The following SLC28A3 variants were observed in gnomAD, a reference collection of about 807,000 sequenced individuals.
The protein encoded by SLC28A3 is solute carrier family 28 member 3.
A neutral mutation model predicts 84.2 loss-of-function variants in SLC28A3; 68 were observed. The observed-to-expected ratio is 0.81, with a 90% CI of 0.66 to 0.99. SLC28A3 has a LOEUF of 0.99. Ranked by LOEUF, SLC28A3 falls within the 50% of genes least tolerant of loss-of-function variation. SLC28A3 has a pLI of 0.00. For missense variants in SLC28A3, 712 were observed against 841.5 expected (o/e 0.85, Z 1.90); for synonymous variants, 267 against 303.6 (o/e 0.88, Z 1.25).
intron 14 of SLC28A3, among the ~76,000 whole-genome samples, chr9:84,282,678 A>G (rs913293554): frequency 3.9e-5 from 6 of 152,196 alleles, no homozygotes; most frequent in Non-Finnish European, 7.3e-5. Context: ...TGACTATAGG[A>G]AGCTCAGAAG....
chr9:84,292,383 A>G (rs773705500), intron 10 of SLC28A3, among the ~76,000 whole-genome samples: 2 of 152,168 alleles, frequency 1.3e-5, no homozygotes, highest in Non-Finnish European at 2.9e-5. Flanking sequence ...TCCTCTTCAT[A>G]AACATTCTCA....
chr9:84,287,405 A>G (rs1438734831), intron 12 of SLC28A3, among the ~76,000 whole-genome samples: 1 of 151,948 alleles, frequency 6.6e-6, no homozygotes, highest in Non-Finnish European at 1.5e-5. Context: ...TCTTTTTCAC[A>G]GAGCAAAAGA....
At chr9:84,350,450 A>G in the SLC28A3 span, among the ~76,000 whole-genome samples, 4 of 151,924 alleles carry the variant, frequency 2.6e-5, no homozygotes, top group African/African-American at 9.7e-5. Flanking sequence ...TCAAAAATAA[A>G]TAAATAAATA....
chr9:84,292,475 GTCTCTC>G (rs57280644), intron 10 of SLC28A3, 187 bp downstream of exon 10: 8 of 375,304 alleles, frequency 2.1e-5, no homozygotes, highest in East Asian at 4.4e-5. Flanking sequence ...CTCTCTCTCT[GTCTCTC>G]TCTCTCTCTC....
At chr9:84,290,129 T>G in intron 11 of SLC28A3, 25 bp downstream of exon 11, 2 of 1,609,720 alleles carry the variant, frequency 1.2e-6, no homozygotes, top group Non-Finnish European at 1.7e-6. Context: ...AGGTTGGTGT[T>G]TTCATAATTC....
rs921347526 is a variant in SLC28A3, at chr9:84,279,273, C to T, written c.1941G>A (p.Leu647=). ...TTKVIACCQS[L]LSSTVAKGPG... Reference sequence around the variant, plus strand: ...AATCAAGAATACAATACCTGCTCAACAGACTTTGGCAACAAGCTATCACCT... The same window carrying T: ...AATCAAGAATACAATACCTGCTCAATAGACTTTGGCAACAAGCTATCACCT... The change falls in exon 17 of 18, where the codon CTG becomes CTA. Residue 647 remains leucine, a synonymous_variant. Coordinates refer to ENST00000376238, the MANE Select transcript of SLC28A3 (RefSeq NM_001199633.2). 4 of 1,609,164 alleles carry T rather than the reference C, an allele frequency of 2.5e-6. No individual in the cohort carries two copies. In the East Asian group the frequency reaches 8.9e-5, roughly 36 times the overall value.
intron 3 of SLC28A3, among the ~76,000 whole-genome samples, chr9:84,307,026 G>A (rs3932599): frequency 0.071 from 9,072 of 127,012 alleles, 1,412 homozygotes; most frequent in African/African-American, 0.22. Flanking sequence ...AAAAAGCTTC[G>A]TGTGATGGCA....
At chr9:84,310,493 T>C in intron 2 of SLC28A3, 2 of 985,252 alleles carry the variant, frequency 2.0e-6, no homozygotes, top group Non-Finnish European at 2.4e-6. Flanking sequence ...GGGGAGGAAA[T>C]AGATGGAGGT....
Position 84,335,092 on chromosome 9 carries a change from T to A in SLC28A3, c.60+5482A>T, listed in dbSNP as rs371396169. ...TCTATGCTAACAGCTCCCAAATGTG[T>A]GTCCTCTTCTGAGCTCCAGGTGAAC... On this transcript the variant is annotated intron_variant, in intron 1 of 17. Coordinates refer to ENST00000376238, the MANE Select transcript of SLC28A3 (RefSeq NM_001199633.2). Among the ~76,000 whole-genome samples, 4 of 152,306 alleles carry A rather than the reference T, an allele frequency of 2.6e-5. No homozygotes were observed. The East Asian group carries it at 7.7e-4, about 29-fold the overall frequency.
At position 84,340,588 on chromosome 9, in the gene SLC28A3, T is replaced by A; in HGVS notation, c.46A>T (p.Asn16Tyr). 1 of 1,614,196 alleles carries A rather than the reference T, an allele frequency of 6.2e-7. No homozygotes were observed. Among genetic ancestry groups the A allele is most frequent in the Non-Finnish European group, 8.5e-7 (1 of 1,180,016 alleles). The change falls in exon 1 of 18, where the codon AAC becomes TAC. Residue 16 changes from asparagine (N) to tyrosine (Y), a missense_variant. Physicochemically the swap from Asn to Tyr is moderately radical, Grantham distance 143. Transcript: ENST00000376238. ...TAAPRAEGYS[N>Y]VGFQNEENFL... is the part of the protein sequence containing the mutation. ...GCTCTGCTCACCTGGAAGCCCACGT[T>A]GCTGTAGCCCTCAGCTCTGGGGGCT...
intron 3 of SLC28A3, among the ~76,000 whole-genome samples, chr9:84,307,444 A>AC (rs59103671): frequency 1.5e-4 from 22 of 144,184 alleles, no homozygotes; most frequent in Admixed American, 5.7e-4. Context: ...AAAAAAAAAA[A>AC]ACAAAAACAA....
At chr9:84,288,708 C>T (rs1323041323) in intron 11 of SLC28A3, among the ~76,000 whole-genome samples, 1 of 152,088 alleles carries the variant, frequency 6.6e-6, no homozygotes. Context: ...CCACACCTAG[C>T]TAATTTTTGT....
chr9:84,329,680 A>G (rs1826701901), intron 1 of SLC28A3, among the ~76,000 whole-genome samples: 3 of 151,914 alleles, frequency 2.0e-5, no homozygotes, highest in African/African-American at 7.3e-5. Context: ...TTATAAAAAA[A>G]AGAGAATTAA....
At chr9:84,337,251 A>G (rs973645220) in intron 1 of SLC28A3, among the ~76,000 whole-genome samples, 1 of 152,082 alleles carries the variant, frequency 6.6e-6, no homozygotes, top group Non-Finnish European at 1.5e-5. Flanking sequence ...AGAAGAGCAT[A>G]TTATTCTTTC....
At chr9:84,322,682 T>TA (rs1339473367) in intron 1 of SLC28A3, among the ~76,000 whole-genome samples, 2 of 152,012 alleles carry the variant, frequency 1.3e-5, no homozygotes, top group African/African-American at 4.8e-5. Flanking sequence ...CTGTTTTTAT[T>TA]AAAAATACAA....
At chr9:84,288,350 G>A (rs1327531710) in intron 11 of SLC28A3, among the ~76,000 whole-genome samples, 172 bp from the exon 12 acceptor site, 3 of 152,268 alleles carry the variant, frequency 2.0e-5, no homozygotes, top group South Asian at 2.1e-4. Flanking sequence ...GAGCCAAGTC[G>A]CGGGCATCAC....
At chr9:84,351,629 C>T in the SLC28A3 span, among the ~76,000 whole-genome samples, 24 of 150,712 alleles carry the variant, frequency 1.6e-4, no homozygotes, top group Non-Finnish European at 2.2e-4. Flanking sequence ...CACTGCACTC[C>T]AGCCTGGATG....
In SLC28A3 at chr9:84,297,114, A is replaced by AGT. The variant is rs11568384; in HGVS notation, c.861+105_861+106dup. ...TGTATTGCACACCTCTGACCAGCGC[A>AGT]GTAGGTATATACCTGGTTTTTGGTC... On this transcript the variant is annotated intron_variant, in intron 8 of 17. Coordinates refer to ENST00000376238, the MANE Select transcript of SLC28A3 (RefSeq NM_001199633.2). The AGT allele has an allele frequency of 1.4e-4, 106 of 772,046 alleles. No individual in the cohort carries two copies. In the African/African-American group the frequency reaches 1.8e-3, roughly 13 times the overall value. The allele number at this position is 772,046 out of a possible 1,614,324, so 47.8% of individuals were successfully genotyped here. A position where few individuals can be genotyped will look rare whatever the true frequency, so the allele number is the denominator to read the frequency against.
the SLC28A3 span, among the ~76,000 whole-genome samples, chr9:84,367,459 C>T: frequency 6.6e-6 from 1 of 152,160 alleles, no homozygotes; most frequent in African/African-American, 2.4e-5. Flanking sequence ...GGGTCCTGCC[C>T]CTCCACACCT....
Sources: gnomAD v4.1 joint callset for allele counts (sites outside exome capture counted in the v4.1 genomes callset) on GRCh38, gnomAD v4.1.1 for gene constraint, MANE v1.5 for transcripts, NCBI Gene and HGNC (gene_info 2026-07-23, HGNC 2026-07-21) for gene names.